Variants in RBM17 observed in about 807,000 individuals in gnomAD.
RBM17 encodes splicing factor 45.
RBM17 carries 7 observed loss-of-function variants against 53.2 expected under a neutral mutation model. That is an observed-to-expected ratio of 0.13 (90% CI 0.07 to 0.25). The LOEUF is 0.25. Ranked by LOEUF, RBM17 falls within the 10% of genes least tolerant of loss-of-function variation. The probability of loss-of-function intolerance (pLI) is 1.00; values close to 1 mark genes in which losing one functional copy is unlikely to be tolerated. For synonymous variants in RBM17, 167 were observed against 178.1 expected (o/e 0.94, Z 0.50); for missense variants, 257 against 496.7 (o/e 0.52, Z 4.59).
chr10:6,110,137 T>C lies in RBM17; in HGVS notation c.704+10T>C. On this transcript the variant is annotated intron_variant, in intron 7 of 11. Transcript: ENST00000379888. ...TCCTCGCTAACATGGGGTAATGATT[T>C]AATGTTCTTATCTAAGGACTTGAGA... 1 of 1,603,200 alleles carries C rather than the reference T, an allele frequency of 6.2e-7. No homozygotes were observed. The highest frequency in any genetic ancestry group is 8.5e-7 in the Non-Finnish European group (1 of 1,174,792).
chr10:6,117,303 A>G lies in RBM17; in HGVS notation c.*1747A>G, dbSNP rs1361390118. 5 of 152,234 alleles carry G rather than the reference A, an allele frequency of 3.3e-5. No homozygotes were observed. The highest frequency in any genetic ancestry group is 2.6e-4 in the Admixed American group (4 of 15,266). The allele number at this position is 152,234 out of a possible 1,614,324, so 9.4% of individuals were successfully genotyped here. A position where few individuals can be genotyped will look rare whatever the true frequency, so the allele number is the denominator to read the frequency against. On this transcript the variant is annotated 3_prime_UTR_variant, in exon 12 of 12. Transcript: ENST00000379888. ...GTGTTAATCAGTTAGTGCTTTATTT[A>G]TAATGAATTTCTGATAGTCGAATAA...
At chr10:6,115,104 T>G (rs1840895330) in intron 10 of RBM17, 135 bp from the exon 11 acceptor site, 2 of 691,228 alleles carry the variant, frequency 2.9e-6, no homozygotes, top group Non-Finnish European at 4.8e-6. Flanking sequence ...TATACTTATT[T>G]CCTTGGTATT....
intron 5 of RBM17, among the ~76,000 whole-genome samples, chr10:6,108,321 T>C (rs1326412939): frequency 6.6e-6 from 1 of 152,180 alleles, no homozygotes; most frequent in East Asian, 1.9e-4. Context: ...AGGCCATGTG[T>C]ATAAAGGGCC....
At chr10:6,101,585 A>G (rs1840670233) in intron 3 of RBM17, among the ~76,000 whole-genome samples, 198 bp downstream of exon 3, 2 of 152,224 alleles carry the variant, frequency 1.3e-5, no homozygotes, top group African/African-American at 4.8e-5. Context: ...TGTTGTAGAA[A>G]AATCAGAAAC....
intron 1 of RBM17, among the ~76,000 whole-genome samples, chr10:6,090,385 T>C (rs1172697893): frequency 6.6e-6 from 1 of 152,110 alleles, no homozygotes; most frequent in South Asian, 2.1e-4. Context: ...TTAGGGAATA[T>C]GGGGTAACAG....
intron 4 of RBM17, among the ~76,000 whole-genome samples, chr10:6,105,318 G>A (rs888349889): frequency 3.9e-5 from 6 of 152,320 alleles, no homozygotes; most frequent in Admixed American, 2.6e-4. Flanking sequence ...TATATTTTGA[G>A]TGAGTTGTTA....
chr10:6,092,712 A>G (rs746767664), intron 1 of RBM17, among the ~76,000 whole-genome samples: 1 of 152,258 alleles, frequency 6.6e-6, no homozygotes, highest in African/African-American at 2.4e-5. Flanking sequence ...TTCAGTGAAA[A>G]TGAGAAAAAC....
chr10:6,111,291 CTG>C (rs1255484368), intron 7 of RBM17, among the ~76,000 whole-genome samples: 2 of 152,238 alleles, frequency 1.3e-5, no homozygotes, highest in African/African-American at 4.8e-5. Flanking sequence ...AAAGCAGTGA[CTG>C]AGAGTTGTGG....
chr10:6,102,564 T>G (rs1840683549), intron 3 of RBM17, among the ~76,000 whole-genome samples: 1 of 152,220 alleles, frequency 6.6e-6, no homozygotes, highest in African/African-American at 2.4e-5. Context: ...CTGCTACATC[T>G]AATTTAAAAA....
chr10:6,116,200 T>C lies in RBM17; in HGVS notation c.*644T>C, dbSNP rs1840913788. ...GGGTTTGTGATGGATTTATGGAGTA[T>C]GTGGGTATAGAAATCATGAATCTAG... On this transcript the variant is annotated 3_prime_UTR_variant, in exon 12 of 12. Coordinates refer to ENST00000379888, the MANE Select transcript of RBM17 (RefSeq NM_032905.5). The C allele has an allele frequency of 6.6e-6, 1 of 152,366 alleles. No homozygotes were observed. Among genetic ancestry groups the C allele is most frequent in the South Asian group, 2.1e-4 (1 of 4,838 alleles). 9.4% of individuals were successfully genotyped at this position (152,366 alleles called of 1,614,324 possible).
intron 2 of RBM17, among the ~76,000 whole-genome samples, chr10:6,100,798 C>T (rs1409199441): frequency 1.3e-5 from 2 of 152,112 alleles, no homozygotes; most frequent in Non-Finnish European, 2.9e-5. Flanking sequence ...AGAATGTCCA[C>T]GGTTTCAGGA....
chr10:6,112,142 G>A lies in RBM17; in HGVS notation c.705-68G>A. On this transcript the variant is annotated intron_variant, in intron 7 of 11. Coordinates refer to ENST00000379888, the MANE Select transcript of RBM17 (RefSeq NM_032905.5). The surrounding 1 kb of genome is among the most constrained non-coding windows in gnomAD (Gnocchi z 4.4). ...TCTCCAGAAGGAGGTTGTTGTGATG[G>A]AAAAATGCAACCTATCTCCAGTTGA... 1.9e-6 allele frequency: 3 copies of A among 1,553,104 alleles called. No individual in the cohort carries two copies. Among genetic ancestry groups the A allele is most frequent in the Non-Finnish European group, 2.6e-6 (3 of 1,148,050 alleles).
intron 5 of RBM17, chr10:6,106,440 A>T: frequency 2.1e-6 from 1 of 480,624 alleles, no homozygotes. Context: ...TGAGCTTCAC[A>T]ACCACTTTCT....
At chr10:6,091,584 A>G (rs898826562) in intron 1 of RBM17, among the ~76,000 whole-genome samples, 6 of 152,248 alleles carry the variant, frequency 3.9e-5, no homozygotes, top group African/African-American at 7.2e-5. Flanking sequence ...CTTAAAAAGC[A>G]GATCTGCAGA....
At chr10:6,094,282 G>A (rs1164701225) in intron 1 of RBM17, among the ~76,000 whole-genome samples, 1 of 152,136 alleles carries the variant, frequency 6.6e-6, no homozygotes, top group African/African-American at 2.4e-5. Context: ...CCGGCCTGGT[G>A]TGGAATGTTC....
At chr10:6,108,209 T>G (rs965668676) in intron 5 of RBM17, among the ~76,000 whole-genome samples, 9 of 152,180 alleles carry the variant, frequency 5.9e-5, no homozygotes, top group African/African-American at 1.9e-4. Flanking sequence ...CGCAGGGAGC[T>G]GGGTTTACTC....
At chr10:6,109,852 A>ATTTGGTGT (rs1840811210) in intron 6 of RBM17, 134 bp from the exon 7 acceptor site, 1 of 641,424 alleles carries the variant, frequency 1.6e-6, no homozygotes. Context: ...TGTAAAATTG[A>ATTTGGTGT]TTTGGTGTTT....
At chr10:6,101,211 A>G in intron 2 of RBM17, 60 bp from the exon 3 acceptor site, 1 of 1,078,318 alleles carries the variant, frequency 9.3e-7, no homozygotes, top group South Asian at 1.6e-5. Flanking sequence ...TCTTTGTTGC[A>G]AACAGTGTGA....
intron 3 of RBM17, among the ~76,000 whole-genome samples, chr10:6,102,441 TC>T (rs1487819880): frequency 6.6e-6 from 1 of 152,178 alleles, no homozygotes; most frequent in Non-Finnish European, 1.5e-5. Context: ...CGGGTGCTGT[TC>T]CTGAGGGCTG....
Sources: allele counts gnomAD v4.1 joint callset (sites outside exome capture counted in the v4.1 genomes callset), GRCh38; gene constraint gnomAD v4.1.1; non-coding constraint Gnocchi (gnomAD v3.1); transcripts MANE v1.5; gene names NCBI Gene and HGNC (gene_info 2026-07-23, HGNC 2026-07-21).